Variants in OLAH observed in about 807,000 individuals in gnomAD.
OLAH encodes the protein S-acyl fatty acid synthase thioesterase, medium chain.
OLAH carries 33 observed loss-of-function variants against 27.8 expected under a neutral mutation model. The ratio of observed to expected loss-of-function variants is 1.19; its 90% CI spans 0.90 to 1.59. OLAH has a LOEUF of 1.59. OLAH is among the 40% of genes most tolerant of loss of function. The pLI is 0.00. For missense variants in OLAH, 359 were observed against 310.8 expected (o/e 1.16, Z -1.17); for synonymous variants, 120 against 102.9 (o/e 1.17, Z -1.01).
At chr10:15,039,395 C>G (rs1843888146), upstream of OLAH, among the ~76,000 whole-genome samples, 1 of 152,056 alleles carries the variant, frequency 6.6e-6, no homozygotes, top group Non-Finnish European at 1.5e-5. Flanking sequence ...CTGGCCAACA[C>G]CCTGAAACCC....
intron 2 of OLAH, among the ~76,000 whole-genome samples, chr10:15,047,702 CA>C (rs148503784): frequency 0.03 from 4,528 of 151,640 alleles, 116 homozygotes; most frequent in East Asian, 0.053. Context: ...GAATCCATCT[CA>C]AAAAAAATAA....
intron 2 of OLAH, among the ~76,000 whole-genome samples, chr10:15,048,677 A>G (rs1000081762): frequency 1.3e-5 from 2 of 152,242 alleles, no homozygotes; most frequent in Non-Finnish European, 2.9e-5. Flanking sequence ...ATTATTCTCC[A>G]AATTGTGAAA....
intron 2 of OLAH, 66 bp downstream of exon 2, chr10:15,047,386 A>G (rs1844041333): frequency 6.7e-7 from 1 of 1,486,718 alleles, no homozygotes; most frequent in African/African-American, 1.4e-5. Flanking sequence ...CTGCCTTTGT[A>G]CGGCTCCCTT....
intron 1 of OLAH, among the ~76,000 whole-genome samples, chr10:15,046,326 A>AAATG (rs1844017193): frequency 1.5e-5 from 1 of 66,408 alleles, no homozygotes; most frequent in African/African-American, 6.0e-5. Flanking sequence ...AAAAAAATAT[A>AAATG]AATAAATAAA....
chr10:15,032,421 A>G (rs180808711), intron 1 of OLAH: 1 of 149,590 alleles, frequency 6.7e-6, no homozygotes, highest in Non-Finnish European at 1.5e-5. Flanking sequence ...CCCTCTAGAG[A>G]ACCCTGACTA....
chr10:15,034,804 C>CT (rs71505056), intron 1 of OLAH, among the ~76,000 whole-genome samples: 33,809 of 83,250 alleles, frequency 0.41, 4,428 homozygotes, highest in East Asian at 0.56. Context: ...TTCTTTCTTT[C>CT]TTTTTTTTTT....
intron 1 of OLAH, among the ~76,000 whole-genome samples, chr10:15,045,961 G>T (rs1211172528): frequency 6.6e-6 from 1 of 152,090 alleles, no homozygotes; most frequent in Non-Finnish European, 1.5e-5. Context: ...AACCTGGGAG[G>T]TAGAGGTTGC....
chr10:15,032,553 A>C (rs1843774638), intron 1 of OLAH, among the ~76,000 whole-genome samples: 1 of 151,200 alleles, frequency 6.6e-6, no homozygotes, highest in African/African-American at 2.4e-5. Flanking sequence ...CCCGGGAGGC[A>C]AAGGTTCCAG....
At chr10:15,037,822 G>A (rs996271881) in intron 1 of OLAH, among the ~76,000 whole-genome samples, 1 of 152,234 alleles carries the variant, frequency 6.6e-6, no homozygotes, top group African/African-American at 2.4e-5. Flanking sequence ...CCTTATCAAT[G>A]TAAGCTCTGT....
At chr10:15,042,408 C>T (rs773437666), upstream of OLAH, among the ~76,000 whole-genome samples, 21 of 152,266 alleles carry the variant, frequency 1.4e-4, no homozygotes, top group Middle Eastern at 3.4e-3. Flanking sequence ...CTGTCTTGGC[C>T]TCCTGAAGTG....
intron 3 of OLAH, among the ~76,000 whole-genome samples, chr10:15,053,855 C>T (rs1451281302): frequency 1.3e-5 from 2 of 151,974 alleles, no homozygotes; most frequent in African/African-American, 4.8e-5. Flanking sequence ...GCTGGGAACA[C>T]AAGCATAAGC....
rs1445732857 is a variant in OLAH, at chr10:15,061,723, G to A, written c.164-1G>A. 6.2e-7 allele frequency: 1 copy of A among 1,604,914 alleles called. No homozygotes were observed. The highest frequency in any genetic ancestry group is 8.5e-7 in the Non-Finnish European group (1 of 1,176,412). Reference sequence around the variant, plus strand: ...GTTCACTTGTGTTTCTCCATCTCCAGTGCACTCCTTAAGGCTTCCTGGAAG... The same window carrying A: ...GTTCACTTGTGTTTCTCCATCTCCAATGCACTCCTTAAGGCTTCCTGGAAG... On this transcript the variant is annotated splice_acceptor_variant, in intron 3 of 7. Coordinates refer to ENST00000378228, the MANE Select transcript of OLAH (RefSeq NM_001039702.3). LOFTEE classifies it high-confidence loss of function.
At chr10:15,061,943 G>A (rs1589249784) in intron 4 of OLAH, 81 bp downstream of exon 4, 1 of 1,358,614 alleles carries the variant, frequency 7.4e-7, no homozygotes, top group Non-Finnish European at 1.0e-6. Context: ...TTTGTGTTTT[G>A]TAAGATGCAT....
At chr10:15,048,834 G>A (rs2131344609) in intron 2 of OLAH, among the ~76,000 whole-genome samples, 1 of 152,196 alleles carries the variant, frequency 6.6e-6, no homozygotes. Flanking sequence ...GCTGGGTGTG[G>A]CTTATTTTTG....
Position 15,049,676 on chromosome 10 carries a change from C to T in OLAH, c.74C>T (p.Ala25Val). 6.2e-7 allele frequency: 1 copy of T among 1,606,348 alleles called. No individual in the cohort carries two copies. The highest frequency in any genetic ancestry group is 8.5e-7 in the Non-Finnish European group (1 of 1,177,742). Reference sequence around the variant, plus strand: ...AACTGCTTATACAAAAACCCTGAGGCAACTTTTAAGCTGATTTGCTTTCCC... The same window carrying T: ...AACTGCTTATACAAAAACCCTGAGGTAACTTTTAAGCTGATTTGCTTTCCC... ...IFNCLYKNPE[A>V]TFKLICFPWM... Residue 25 changes from alanine (A) to valine (V), a missense_variant, in exon 3 of 8, where the codon GCA becomes GTA. Ala to Val is a moderately conservative substitution (Grantham distance 64). Coordinates refer to ENST00000378228, the MANE Select transcript of OLAH (RefSeq NM_001039702.3).
At chr10:15,038,292 C>A (rs1335572426) in intron 1 of OLAH, among the ~76,000 whole-genome samples, 1 of 152,184 alleles carries the variant, frequency 6.6e-6, no homozygotes, top group African/African-American at 2.4e-5. Flanking sequence ...AGATGTTGGA[C>A]TGTGGACTTC....
intron 4 of OLAH, 156 bp downstream of exon 4, chr10:15,062,018 G>A: frequency 1.5e-6 from 1 of 672,596 alleles, no homozygotes; most frequent in Non-Finnish European, 2.4e-6. Flanking sequence ...CAATTCACCA[G>A]TTTGTATGGT....
At chr10:15,064,364 C>T in intron 4 of OLAH, 39 bp from the exon 5 acceptor site, 1 of 1,260,178 alleles carries the variant, frequency 7.9e-7, no homozygotes, top group Non-Finnish European at 1.1e-6. Flanking sequence ...ACGAGTTTTG[C>T]TTAACAGTTC....
intron 3 of OLAH, among the ~76,000 whole-genome samples, chr10:15,051,078 A>ATTATT (rs1264021756): frequency 1.7e-4 from 23 of 134,842 alleles, no homozygotes; most frequent in African/African-American, 4.9e-4. Context: ...TATTATTATT[A>ATTATT]TTTTTTTTTT....
Sources: allele counts gnomAD v4.1 joint callset (sites outside exome capture counted in the v4.1 genomes callset), GRCh38; gene constraint gnomAD v4.1.1; transcripts MANE v1.5; gene names NCBI Gene and HGNC (gene_info 2026-07-23, HGNC 2026-07-21).